DCLK1: variants seen among roughly 807,000 people sequenced by gnomAD.
DCLK1 encodes the protein serine/threonine-protein kinase DCLK1.
Under a neutral mutation model 86.2 loss-of-function variants are expected in DCLK1, and 16 were observed. The observed-to-expected ratio is 0.19, with a 90% CI of 0.13 to 0.28. The LOEUF (loss-of-function observed/expected upper bound fraction) is 0.28, where lower values mean the gene tolerates loss of function less well. Among genes scored for constraint, DCLK1 ranks in the 10% least tolerant of loss-of-function variants. DCLK1 has a pLI of 1.00. For missense variants in DCLK1, 590 were observed against 940.2 expected (o/e 0.63, Z 4.87); for synonymous variants, 369 against 370.5 (o/e 1.00, Z 0.05).
chr13:35,808,801 A>G (rs1166271911), intron 13 of DCLK1, among the ~76,000 whole-genome samples: 1 of 152,142 alleles, frequency 6.6e-6, no homozygotes, highest in East Asian at 1.9e-4. Context: ...AGAAAAAAAA[A>G]AAAAGAAAGA....
intron 4 of DCLK1, among the ~76,000 whole-genome samples, chr13:35,900,433 G>A (rs1051020449): frequency 4.6e-5 from 7 of 151,948 alleles, no homozygotes; most frequent in African/African-American, 1.7e-4. Context: ...GTAGAGATAG[G>A]GTTTCACTAT....
chr13:36,110,827 A>ATTTTT (rs869131031), intron 3 of DCLK1, among the ~76,000 whole-genome samples: 6 of 120,172 alleles, frequency 5.0e-5, no homozygotes, highest in Non-Finnish European at 8.4e-5. Flanking sequence ...CATATAATCA[A>ATTTTT]TTTTTTTTTT....
intron 4 of DCLK1, among the ~76,000 whole-genome samples, chr13:35,946,369 T>A (rs909815477): frequency 6.6e-6 from 1 of 152,234 alleles, no homozygotes; most frequent in Non-Finnish European, 1.5e-5. Context: ...TATGTATATA[T>A]GTGTATAATA....
intron 4 of DCLK1, among the ~76,000 whole-genome samples, chr13:35,899,572 C>T (rs1393725600): frequency 6.6e-6 from 1 of 152,148 alleles, no homozygotes; most frequent in East Asian, 1.9e-4. Context: ...ACTGCTTACC[C>T]TATCCATATG....
intron 5 of DCLK1, among the ~76,000 whole-genome samples, chr13:35,860,264 T>A (rs1381372697): frequency 5.3e-5 from 8 of 151,078 alleles, no homozygotes; most frequent in African/African-American, 2.0e-4. Flanking sequence ...AATCTCTTTC[T>A]CAGCTTTTGT....
intron 5 of DCLK1, among the ~76,000 whole-genome samples, chr13:35,858,120 A>C (rs1215705737): frequency 6.6e-6 from 1 of 152,140 alleles, no homozygotes; most frequent in Non-Finnish European, 1.5e-5. Flanking sequence ...AGAGGGAAAC[A>C]ATACTGGGTG....
At chr13:35,811,059 A>C in intron 11 of DCLK1, 91 bp from the exon 12 acceptor site, 1 of 1,526,020 alleles carries the variant, frequency 6.6e-7, no homozygotes, top group South Asian at 1.2e-5. Flanking sequence ...TTTAAATTTA[A>C]TGTATAGGAG....
chr13:35,937,266 C>A (rs1434979700), intron 4 of DCLK1, among the ~76,000 whole-genome samples: 1 of 152,102 alleles, frequency 6.6e-6, no homozygotes, highest in African/African-American at 2.4e-5. Context: ...AGCCACCGCA[C>A]CCGGTCCCAG....
At chr13:36,025,962 T>TG (rs1201220274) in intron 3 of DCLK1, among the ~76,000 whole-genome samples, 1 of 152,136 alleles carries the variant, frequency 6.6e-6, no homozygotes, top group African/African-American at 2.4e-5. Context: ...AGGATGGTCA[T>TG]GGTGGGGGGA....
intron 4 of DCLK1, among the ~76,000 whole-genome samples, chr13:35,904,240 G>C (rs1874551065): frequency 1.3e-5 from 2 of 152,188 alleles, no homozygotes; most frequent in East Asian, 3.9e-4. Context: ...TTTTGAGACA[G>C]AGTCTGACTT....
Position 36,111,837 on chromosome 13 carries a change from A to T in DCLK1, c.723+32T>A, listed in dbSNP as rs115743138. ...CTCCGACTCCCTGGTTCTTGCCTTA[A>T]AGTCAAAGTCACATCACAATATGTC... On this transcript the variant is annotated intron_variant, in intron 3 of 16. Coordinates refer to ENST00000360631, the MANE Select transcript of DCLK1 (RefSeq NM_001330071.2). 6.3e-4 allele frequency: 987 copies of T among 1,576,644 alleles called. 3 individuals carry two copies. The African/African-American group carries it at 0.012, about 20-fold the overall frequency.
intron 6 of DCLK1, chr13:35,846,952 A>C: frequency 1.0e-6 from 1 of 985,264 alleles, no homozygotes; most frequent in Non-Finnish European, 1.2e-6. Flanking sequence ...AACTTACTTC[A>C]TATCAAATAT....
chr13:35,827,366 C>T (rs1220375865), intron 10 of DCLK1, among the ~76,000 whole-genome samples: 4 of 152,148 alleles, frequency 2.6e-5, no homozygotes, highest in East Asian at 1.9e-4. Flanking sequence ...CCCACAATAA[C>T]ACCATTAAGC....
intron 16 of DCLK1, among the ~76,000 whole-genome samples, chr13:35,777,229 A>C (rs2086438796): frequency 1.3e-5 from 2 of 152,156 alleles, no homozygotes; most frequent in South Asian, 4.2e-4. Flanking sequence ...GGTCATGGGC[A>C]TGTGTCATGA....
At chr13:35,859,126 C>A (rs1248841350) in intron 5 of DCLK1, among the ~76,000 whole-genome samples, 2 of 152,146 alleles carry the variant, frequency 1.3e-5, no homozygotes, top group Non-Finnish European at 2.9e-5. Flanking sequence ...CTTAAAATGG[C>A]ATTATTTTTT....
rs926906925 is a variant in DCLK1, at chr13:36,108,077, A to T, written c.723+3792T>A. On this transcript the variant is annotated intron_variant, in intron 3 of 16. Transcript: ENST00000360631. Reference sequence around the variant, plus strand: ...GGTCTTTAACCAAGGCCCAGATTTAAAAAAAAAAAAAATGCATCACTGAAA... The same window carrying T: ...GGTCTTTAACCAAGGCCCAGATTTATAAAAAAAAAAAATGCATCACTGAAA... Among the ~76,000 whole-genome samples, 15 of 22,620 alleles carry T rather than the reference A, an allele frequency of 6.6e-4. No individual in the cohort carries two copies. The East Asian group carries it at 0.032, about 48-fold the overall frequency. 14.8% of individuals were successfully genotyped at this position (22,620 alleles called of 152,430 possible).
At chr13:35,972,939 A>G (rs1879143376) in intron 3 of DCLK1, among the ~76,000 whole-genome samples, 1 of 150,294 alleles carries the variant, frequency 6.7e-6, no homozygotes, top group Admixed American at 6.6e-5. Flanking sequence ...CAAATGCATT[A>G]TTATTATTCC....
chr13:36,025,256 C>T lies in DCLK1; in HGVS notation c.724-77799G>A, dbSNP rs374674636. On this transcript the variant is annotated intron_variant, in intron 3 of 16. Coordinates refer to ENST00000360631, the MANE Select transcript of DCLK1 (RefSeq NM_001330071.2). The stretch of plus-strand genomic sequence containing the variant: ...GTGTTGGAATTACAGGCATAAGCCA[C>T]TGTGCCCAGCTGGTCAATTGATTTT... Among the ~76,000 whole-genome samples the T allele has an allele frequency of 8.0e-4, 122 of 152,308 alleles. 1 individual carries two copies. In the South Asian group the frequency reaches 0.012, roughly 15 times the overall value.
intron 4 of DCLK1, among the ~76,000 whole-genome samples, chr13:35,941,591 G>A (rs559949741): frequency 1.3e-5 from 2 of 152,052 alleles, no homozygotes; most frequent in Admixed American, 6.6e-5. Flanking sequence ...ACACGTGCAC[G>A]GGCATACACA....
Sources: gnomAD v4.1 joint callset for allele counts (sites outside exome capture counted in the v4.1 genomes callset) on GRCh38, gnomAD v4.1.1 for gene constraint, MANE v1.5 for transcripts, NCBI Gene and HGNC (gene_info 2026-07-23, HGNC 2026-07-21) for gene names.